PPARGC1B: variants seen among roughly 807,000 people sequenced by gnomAD.
The protein encoded by PPARGC1B is PPARG coactivator 1 beta, also known as peroxisome proliferator-activated receptor gamma coactivator 1-beta.
In PPARGC1B, 34 loss-of-function variants were observed where a neutral mutation model predicts 101.6. That is an observed-to-expected ratio of 0.33 (90% CI 0.25 to 0.45). The LOEUF is 0.45. PPARGC1B is among the 20% of genes least tolerant of loss of function. The pLI is 1.00. For missense variants in PPARGC1B, 1,234 were observed against 1,317.6 expected (o/e 0.94, Z 0.98); for synonymous variants, 548 against 539.3 (o/e 1.02, Z -0.22).
chr5:149,836,808 A>G lies in PPARGC1B; in HGVS notation c.2353A>G (p.Ser785Gly). The G allele has an allele frequency of 6.2e-7, 1 of 1,613,548 alleles. No individual in the cohort carries two copies. The highest frequency in any genetic ancestry group is 8.5e-7 in the Non-Finnish European group (1 of 1,180,018). The change falls in exon 8 of 12, where the codon AGC becomes GGC. Residue 785 changes from serine to glycine, a missense_variant. Around this residue, in one of 3 missense-constraint regions of PPARGC1B, gnomAD observed 497 missense variants for 529.5 expected, o/e 0.94. Coordinates refer to ENST00000309241, the MANE Select transcript of PPARGC1B (RefSeq NM_133263.4). ...GGAGGAAGACCTGGCCTCCTGCAAG[A>G]GCCCTGAGTATGACACTGTCTTTGA... ...LEEEDLASCK[S>G]PEYDTVFEDS...
rs758340734 is a variant in PPARGC1B, at chr5:149,836,245, C to T, written c.1808-18C>T. The T allele has an allele frequency of 6.5e-7, 1 of 1,527,700 alleles. No homozygotes were observed. The highest frequency in any genetic ancestry group is 8.8e-7 in the Non-Finnish European group (1 of 1,136,934). 94.6% of individuals were successfully genotyped at this position (1,527,700 alleles called of 1,614,324 possible). Reference sequence around the variant, plus strand: ...AGTGATCTGTCTTTATCTTACCTTTCTCCTCTTCCTCGGGCAGGACTCACC... The same window carrying T: ...AGTGATCTGTCTTTATCTTACCTTTTTCCTCTTCCTCGGGCAGGACTCACC... On this transcript the variant is annotated intron_variant, in intron 7 of 11. Coordinates refer to ENST00000309241, the MANE Select transcript of PPARGC1B (RefSeq NM_133263.4).
At chr5:149,813,867 T>C (rs556093744) in intron 1 of PPARGC1B, among the ~76,000 whole-genome samples, 92 of 152,312 alleles carry the variant, frequency 6.0e-4, no homozygotes, top group African/African-American at 2.1e-3. Flanking sequence ...GTTCGTAGAT[T>C]GCAGCTTCTT....
chr5:149,745,519 C>G (rs567588950), intron 1 of PPARGC1B, among the ~76,000 whole-genome samples: 1 of 152,294 alleles, frequency 6.6e-6, no homozygotes, highest in African/African-American at 2.4e-5. Flanking sequence ...CATAGAGTGT[C>G]TGTCATGAAC....
At chr5:149,823,762 A>G (rs1758395875) in intron 2 of PPARGC1B, among the ~76,000 whole-genome samples, 4 of 152,106 alleles carry the variant, frequency 2.6e-5, no homozygotes, top group Admixed American at 2.6e-4. Context: ...TGGCTGTTTC[A>G]GTGGAGTAGG....
chr5:149,783,230 G>C (rs550852746), intron 1 of PPARGC1B, among the ~76,000 whole-genome samples: 1 of 152,196 alleles, frequency 6.6e-6, no homozygotes, highest in Non-Finnish European at 1.5e-5. Flanking sequence ...TCAATGGAAT[G>C]ATAGAACTCC....
chr5:149,784,178 A>C (rs1173226186), intron 1 of PPARGC1B, among the ~76,000 whole-genome samples: 2 of 151,994 alleles, frequency 1.3e-5, no homozygotes, highest in East Asian at 3.9e-4. Flanking sequence ...AGCCCACCCT[A>C]ATTTATCCTT....
intron 1 of PPARGC1B, among the ~76,000 whole-genome samples, chr5:149,798,467 A>G (rs2113281927): frequency 6.6e-6 from 1 of 152,202 alleles, no homozygotes; most frequent in East Asian, 1.9e-4. Context: ...CCTCCTGTGT[A>G]TGCCTCTGAG....
At chr5:149,755,707 G>A (rs1198827695) in intron 1 of PPARGC1B, among the ~76,000 whole-genome samples, 1 of 150,554 alleles carries the variant, frequency 6.6e-6, no homozygotes, top group Non-Finnish European at 1.5e-5. Flanking sequence ...ACAATGGCGC[G>A]ATCTTGGCTC....
At chr5:149,749,866 T>C (rs1294557547) in intron 1 of PPARGC1B, among the ~76,000 whole-genome samples, 2 of 152,174 alleles carry the variant, frequency 1.3e-5, no homozygotes, top group Non-Finnish European at 2.9e-5. Context: ...TTGTGAATCA[T>C]GGGGGCTGTT....
In PPARGC1B at chr5:149,771,762, A is replaced by G. The variant is rs373854317; in HGVS notation, c.78+41342A>G. ...GGCAGCACTCCACTTGCTCCGCCTT[A>G]CATTCAGTGGTGTGCTGGGAAATGC... On this transcript the variant is annotated intron_variant, in intron 1 of 11. Transcript: ENST00000309241. 1.0e-3 allele frequency among the ~76,000 whole-genome samples: 156 copies of G among 152,310 alleles called. 7 individuals are homozygous for G. In the South Asian group the frequency reaches 0.03, roughly 30 times the overall value.
In PPARGC1B at chr5:149,853,090, C is replaced by G. The variant is rs922951484; in HGVS notation, c.*5532C>G. On this transcript the variant is annotated 3_prime_UTR_variant, in exon 12 of 12. Transcript: ENST00000309241. The surrounding 1 kb of genome is among the most constrained non-coding windows in gnomAD (Gnocchi z 4.2). ...TTTTTGGTCAAAGGAGTCTCCAAGGCGGCTTACAAAAGCTTCCTTTTTCAC... is the reference window on the plus strand; with the variant it reads ...TTTTTGGTCAAAGGAGTCTCCAAGGGGGCTTACAAAAGCTTCCTTTTTCAC... 6.6e-6 allele frequency: 1 copy of G among 152,152 alleles called. No individual in the cohort carries two copies. The highest frequency in any genetic ancestry group is 1.5e-5 in the Non-Finnish European group (1 of 68,044). 9.4% of individuals were successfully genotyped at this position (152,152 alleles called of 1,614,324 possible).
At chr5:149,856,983 A>G (rs989363743), downstream of PPARGC1B, among the ~76,000 whole-genome samples, 1 of 151,900 alleles carries the variant, frequency 6.6e-6, no homozygotes, top group Non-Finnish European at 1.5e-5. Flanking sequence ...TGTTCGCCAG[A>G]CTGGTCTCAA....
At chr5:149,767,006 AG>A (rs1755935163) in intron 1 of PPARGC1B, among the ~76,000 whole-genome samples, 1 of 152,238 alleles carries the variant, frequency 6.6e-6, no homozygotes, top group African/African-American at 2.4e-5. Flanking sequence ...GTCGGAGATG[AG>A]GACCAGGTCC....
chr5:149,805,607 T>G (rs1222889139), intron 1 of PPARGC1B, among the ~76,000 whole-genome samples: 1 of 152,206 alleles, frequency 6.6e-6, no homozygotes, highest in Middle Eastern at 3.4e-3. Context: ...GCCTGGCTAA[T>G]TTTTGTATTT....
chr5:149,821,549 A>G (rs1361206661), intron 2 of PPARGC1B, among the ~76,000 whole-genome samples: 1 of 152,170 alleles, frequency 6.6e-6, no homozygotes, highest in Non-Finnish European at 1.5e-5. Flanking sequence ...CCTCATAAAG[A>G]TTGGGGGCAG....
chr5:149,807,960 CT>C (rs1173434670), intron 1 of PPARGC1B, among the ~76,000 whole-genome samples: 1 of 152,112 alleles, frequency 6.6e-6, no homozygotes, highest in Non-Finnish European at 1.5e-5. Flanking sequence ...TAAGGAGATG[CT>C]AAAAAACTCA....
chr5:149,839,811 A>G (rs1164055487), intron 8 of PPARGC1B, among the ~76,000 whole-genome samples: 1 of 152,218 alleles, frequency 6.6e-6, no homozygotes, highest in Non-Finnish European at 1.5e-5. Flanking sequence ...GTTCCCGGTG[A>G]TCCAGTCCGG....
intron 1 of PPARGC1B, among the ~76,000 whole-genome samples, chr5:149,756,653 C>T (rs1466805525): frequency 6.6e-6 from 1 of 152,144 alleles, no homozygotes; most frequent in Non-Finnish European, 1.5e-5. Flanking sequence ...CACAGAGCTT[C>T]CCTAAGGAGA....
chr5:149,799,053 A>G (rs1757333232), intron 1 of PPARGC1B, among the ~76,000 whole-genome samples: 1 of 137,514 alleles, frequency 7.3e-6, no homozygotes, highest in Non-Finnish European at 1.6e-5. Context: ...CTGGTGGTCC[A>G]AACTCAGCCA....
Sources: gnomAD v4.1 joint callset for allele counts (sites outside exome capture counted in the v4.1 genomes callset) on GRCh38, gnomAD v4.1.1 for gene constraint, gnomAD v4.1.1 regional missense constraint, Gnocchi (gnomAD v3.1) non-coding constraint, MANE v1.5 for transcripts, NCBI Gene and HGNC (gene_info 2026-07-23, HGNC 2026-07-21) for gene names.